The following SENP5 variants were observed in gnomAD, a reference collection of about 807,000 sequenced individuals.
The protein encoded by SENP5 is sentrin-specific protease 5.
SENP5 carries 21 observed loss-of-function variants against 74.2 expected under a neutral mutation model. That is an observed-to-expected ratio of 0.28 (90% CI 0.20 to 0.41). The LOEUF (loss-of-function observed/expected upper bound fraction) is 0.41. Ranked by LOEUF, SENP5 falls within the 10% of genes least tolerant of loss-of-function variation. SENP5 has a pLI of 1.00. For missense variants in SENP5, 717 were observed against 889.1 expected (o/e 0.81, Z 2.46); for synonymous variants, 311 against 312.7 (o/e 0.99, Z 0.06).
chr3:196,902,022 C>G (rs1424587707), intron 5 of SENP5, among the ~76,000 whole-genome samples: 1 of 152,220 alleles, frequency 6.6e-6, no homozygotes, highest in Non-Finnish European at 1.5e-5. Flanking sequence ...TTGACAAGCT[C>G]TCTAGATGAT....
In SENP5 at chr3:196,885,243, G is replaced by A; in HGVS notation, c.62G>A (p.Trp21Ter). Residue 21 changes from tryptophan (W) to a stop codon, truncating the protein, a stop_gained, in exon 2 of 10, where the codon TGG becomes TAG. Transcript: ENST00000323460. LOFTEE classifies it high-confidence loss of function. ...ATCCACTTAGCCTTTTCTGAGAAAT[G>A]GAATACTGGGTTTGGAGGCTTTAAG... ...KGIHLAFSEK[W>*]NTGFGGFKKF... The A allele has an allele frequency of 1.2e-6, 2 of 1,613,996 alleles. No homozygotes were observed. The highest frequency in any genetic ancestry group is 1.1e-5 in the South Asian group (1 of 91,026).
chr3:196,923,824 T>G (rs1405608373), intron 7 of SENP5, among the ~76,000 whole-genome samples: 1 of 152,240 alleles, frequency 6.6e-6, no homozygotes, highest in Non-Finnish European at 1.5e-5. Flanking sequence ...AAATTGTTTT[T>G]CTTTGATCAT....
At chr3:196,908,560 A>C (rs190173811) in intron 6 of SENP5, among the ~76,000 whole-genome samples, 2 of 152,228 alleles carry the variant, frequency 1.3e-5, no homozygotes, top group Non-Finnish European at 2.9e-5. Flanking sequence ...GTGGTGACTC[A>C]TGCCTGTAAT....
At chr3:196,909,129 A>T (rs1715021241) in intron 6 of SENP5, among the ~76,000 whole-genome samples, 1 of 152,190 alleles carries the variant, frequency 6.6e-6, no homozygotes. Context: ...GAATACTATA[A>T]AGACCTCTAC....
At chr3:196,911,439 T>G (rs925953534) in intron 6 of SENP5, among the ~76,000 whole-genome samples, 7 of 152,054 alleles carry the variant, frequency 4.6e-5, no homozygotes, top group African/African-American at 1.7e-4. Flanking sequence ...ATGTCTGTAG[T>G]CTCAGCTACT....
chr3:196,916,910 G>T (rs999033272), intron 6 of SENP5, among the ~76,000 whole-genome samples: 19 of 152,092 alleles, frequency 1.2e-4, no homozygotes, highest in Non-Finnish European at 2.8e-4. Context: ...TAGGTGGGTA[G>T]ATCACTTGAG....
chr3:196,918,253 G>A (rs1715465227), intron 6 of SENP5, among the ~76,000 whole-genome samples: 1 of 150,784 alleles, frequency 6.6e-6, no homozygotes, highest in African/African-American at 2.4e-5. Context: ...CTTGCAGTGA[G>A]CCCTGATTGT....
intron 2 of SENP5, among the ~76,000 whole-genome samples, chr3:196,896,371 C>G (rs752030027): frequency 6.6e-6 from 1 of 152,178 alleles, no homozygotes; most frequent in Non-Finnish European, 1.5e-5. Context: ...CAATCAGGAT[C>G]TTAGTTCTAC....
chr3:196,889,592 C>A (rs1378633169), intron 2 of SENP5, among the ~76,000 whole-genome samples: 2 of 152,292 alleles, frequency 1.3e-5, no homozygotes, highest in African/African-American at 4.8e-5. Context: ...TAAAGAATAT[C>A]AATCAGAAGC....
At chr3:196,892,789 G>A (rs1282359947) in intron 2 of SENP5, among the ~76,000 whole-genome samples, 1 of 152,078 alleles carries the variant, frequency 6.6e-6, no homozygotes, top group Non-Finnish European at 1.5e-5. Flanking sequence ...GATTCCACAT[G>A]TAAGTGAGAT....
intron 7 of SENP5, among the ~76,000 whole-genome samples, chr3:196,925,108 CTTT>C (rs1401671699): frequency 6.6e-6 from 1 of 151,012 alleles, no homozygotes; most frequent in Non-Finnish European, 1.5e-5. Context: ...TGATTATTAC[CTTT>C]GGGTAAGTGT....
chr3:196,907,009 G>C (rs900326693), intron 6 of SENP5, among the ~76,000 whole-genome samples: 14 of 152,186 alleles, frequency 9.2e-5, no homozygotes, highest in African/African-American at 3.4e-4. Flanking sequence ...TTATGGAGAT[G>C]AAGGACAAGG....
intron 6 of SENP5, chr3:196,914,290 T>C (rs1715259902): frequency 6.6e-6 from 1 of 152,030 alleles, no homozygotes; most frequent in South Asian, 2.1e-4. Flanking sequence ...TAATAAAAAC[T>C]GGCAGTGGGC....
At chr3:196,923,601 T>G in intron 7 of SENP5, 50 bp downstream of exon 7, 114 of 1,189,584 alleles carry the variant, frequency 9.6e-5, no homozygotes, top group Non-Finnish European at 1.3e-4. Context: ...ATTGGCCAAA[T>G]AGCATCTTAG....
chr3:196,878,433 A>T lies in SENP5; in HGVS notation c.-31-6718A>T, dbSNP rs140097796. On this transcript the variant is annotated intron_variant, in intron 1 of 9. Transcript: ENST00000323460. ...TTAAGGATAAGGTACTGTGCCTTAT[A>T]GTGGAAATCTATATGCTGAAGGTAG... Among the ~76,000 whole-genome samples the T allele has an allele frequency of 2.1e-3, 318 of 152,292 alleles. 1 individual carries two copies. The highest frequency in any genetic ancestry group is 4.1e-3 in the Admixed American group (63 of 15,298).
chr3:196,916,063 G>A (rs1715362215), intron 6 of SENP5, among the ~76,000 whole-genome samples: 1 of 152,150 alleles, frequency 6.6e-6, no homozygotes, highest in South Asian at 2.1e-4. Context: ...CTTGGGTCAC[G>A]CCTATAATCT....
chr3:196,919,373 C>T (rs191462600), intron 6 of SENP5, among the ~76,000 whole-genome samples: 23 of 152,242 alleles, frequency 1.5e-4, no homozygotes, highest in African/African-American at 4.8e-4. Context: ...CCTAGCTATT[C>T]GGGAGGCTCA....
At chr3:196,929,711 T>TA in intron 9 of SENP5, 28 bp downstream of exon 9, 1 of 1,529,596 alleles carries the variant, frequency 6.5e-7, no homozygotes, top group Admixed American at 1.7e-5. Context: ...TTTCGGAACT[T>TA]ACAATGTGTG....
chr3:196,886,733 T>A, intron 2 of SENP5, 39 bp downstream of exon 2: 1 of 1,465,780 alleles, frequency 6.8e-7, no homozygotes, highest in Non-Finnish European at 9.1e-7. Flanking sequence ...AACTCCAAGC[T>A]CACATTTGCT....
Sources: allele counts gnomAD v4.1 joint callset (sites outside exome capture counted in the v4.1 genomes callset), GRCh38; gene constraint gnomAD v4.1.1; transcripts MANE v1.5; gene names NCBI Gene and HGNC (gene_info 2026-07-23, HGNC 2026-07-21).